KCNH8: variants seen among roughly 807,000 people sequenced by gnomAD.
The protein encoded by KCNH8 is voltage-gated delayed rectifier potassium channel KCNH8.
Under a neutral mutation model 103.6 loss-of-function variants are expected in KCNH8, and 70 were observed. The ratio of observed to expected loss-of-function variants is 0.68; its 90% CI spans 0.56 to 0.82. The LOEUF is 0.82. Among genes scored for constraint, KCNH8 ranks in the 40% least tolerant of loss-of-function variants. The pLI, the probability that KCNH8 is intolerant of heterozygous loss-of-function variation, is 0.00. For missense variants in KCNH8, 1,217 were observed against 1,329.9 expected (o/e 0.92, Z 1.32); for synonymous variants, 498 against 489.4 (o/e 1.02, Z -0.23).
At chr3:19,484,215 AAC>A (rs2068154199) in intron 11 of KCNH8, among the ~76,000 whole-genome samples, 1 of 152,200 alleles carries the variant, frequency 6.6e-6, no homozygotes, top group South Asian at 2.1e-4. Context: ...GAGGGGTCAT[AAC>A]ACACATCTGG....
At chr3:19,161,350 AATG>A (rs2063232517) in intron 1 of KCNH8, among the ~76,000 whole-genome samples, 1 of 152,142 alleles carries the variant, frequency 6.6e-6, no homozygotes, top group South Asian at 2.1e-4. Flanking sequence ...CACTTAGATA[AATG>A]ATGTTGCAAT....
chr3:19,380,762 T>C (rs2066277611), intron 5 of KCNH8, among the ~76,000 whole-genome samples: 1 of 152,244 alleles, frequency 6.6e-6, no homozygotes, highest in Admixed American at 6.5e-5. Context: ...CTTGAGCTCA[T>C]ACATTACCGA....
At chr3:19,189,886 C>T (rs866746734) in intron 1 of KCNH8, among the ~76,000 whole-genome samples, 23 of 151,880 alleles carry the variant, frequency 1.5e-4, no homozygotes, top group Non-Finnish European at 7.4e-5. Context: ...TTAAAACTGA[C>T]GCTACTTAGA....
intron 11 of KCNH8, among the ~76,000 whole-genome samples, chr3:19,503,227 G>A (rs2068624361): frequency 6.6e-6 from 1 of 151,636 alleles, no homozygotes; most frequent in African/African-American, 2.4e-5. Flanking sequence ...ACCACAATGA[G>A]ATACCATTTC....
At chr3:19,401,263 G>A (rs2125138998) in intron 7 of KCNH8, among the ~76,000 whole-genome samples, 1 of 152,080 alleles carries the variant, frequency 6.6e-6, no homozygotes, top group African/African-American at 2.4e-5. Flanking sequence ...AAAATGTCTT[G>A]AGACTTTTGA....
At chr3:19,228,548 A>T (rs2063958047) in intron 1 of KCNH8, among the ~76,000 whole-genome samples, 1 of 152,206 alleles carries the variant, frequency 6.6e-6, no homozygotes, top group Admixed American at 6.5e-5. Flanking sequence ...GCTCAGTAAA[A>T]CCATAAAATA....
At chr3:19,378,376 G>T (rs563785939) in intron 5 of KCNH8, among the ~76,000 whole-genome samples, 11 of 152,146 alleles carry the variant, frequency 7.2e-5, no homozygotes, top group Non-Finnish European at 1.5e-4. Context: ...GTTTTTCATT[G>T]TACAATAGAG....
chr3:19,534,019 A>AT lies in KCNH8; in HGVS notation c.3244_3245insT (p.Thr1082IlefsTer21). The stretch of plus-strand genomic sequence containing the variant: ...CCAGGAAGGAATGGCATCAGCTTCT[A>AT]CAAAACCTTTGGAGAACCTTCCACT... On this transcript the variant is annotated frameshift_variant, in exon 16 of 16. Coordinates refer to ENST00000328405, the MANE Select transcript of KCNH8 (RefSeq NM_144633.3). LOFTEE classifies it high-confidence loss of function. 1.9e-6 allele frequency: 3 copies of AT among 1,614,182 alleles called. No individual in the cohort carries two copies. The highest frequency in any genetic ancestry group is 2.5e-6 in the Non-Finnish European group (3 of 1,180,004).
At chr3:19,377,735 A>G (rs2066231453) in intron 5 of KCNH8, among the ~76,000 whole-genome samples, 1 of 152,210 alleles carries the variant, frequency 6.6e-6, no homozygotes, top group East Asian at 1.9e-4. Context: ...CATCCATGGT[A>G]GATGGTGGAG....
chr3:19,239,635 AAT>A (rs2064109949), intron 1 of KCNH8, among the ~76,000 whole-genome samples: 2 of 145,756 alleles, frequency 1.4e-5, no homozygotes, highest in South Asian at 4.4e-4. Flanking sequence ...AGAATGATGG[AAT>A]CTATCTATCT....
chr3:19,407,554 T>C (rs952696979), intron 7 of KCNH8, among the ~76,000 whole-genome samples: 10 of 151,902 alleles, frequency 6.6e-5, no homozygotes, highest in African/African-American at 2.2e-4. Context: ...TTCTTCTCCA[T>C]GGTCAGGCAG....
intron 3 of KCNH8, among the ~76,000 whole-genome samples, chr3:19,338,616 G>A (rs1384807525): frequency 6.6e-6 from 1 of 151,914 alleles, no homozygotes; most frequent in Non-Finnish European, 1.5e-5. Context: ...TGGTCAACTG[G>A]ATATTGTATT....
At chr3:19,438,458 T>G (rs917205786) in intron 8 of KCNH8, 97 bp downstream of exon 8, 34 of 959,996 alleles carry the variant, frequency 3.5e-5, no homozygotes, top group Non-Finnish European at 5.1e-5. Flanking sequence ...ACAGATAAAC[T>G]GATTAACACT....
At chr3:19,157,629 A>G (rs1205771249) in intron 1 of KCNH8, among the ~76,000 whole-genome samples, 2 of 152,022 alleles carry the variant, frequency 1.3e-5, no homozygotes, top group Non-Finnish European at 2.9e-5. Context: ...AGCATTCTTT[A>G]TGTCATCACT....
chr3:19,287,944 T>C (rs1241610951), intron 3 of KCNH8, among the ~76,000 whole-genome samples: 1 of 152,058 alleles, frequency 6.6e-6, no homozygotes, highest in East Asian at 1.9e-4. Context: ...TTGGGACAAG[T>C]CAAGCTGCCC....
At chr3:19,372,631 A>T (rs544240267) in intron 5 of KCNH8, among the ~76,000 whole-genome samples, 2 of 152,274 alleles carry the variant, frequency 1.3e-5, no homozygotes, top group Admixed American at 6.5e-5. Flanking sequence ...TGCCCTGGCC[A>T]GAACTTCCAA....
chr3:19,462,981 C>A (rs1283348535), intron 11 of KCNH8, among the ~76,000 whole-genome samples: 1 of 152,104 alleles, frequency 6.6e-6, no homozygotes, highest in Non-Finnish European at 1.5e-5. Flanking sequence ...CAATCAAAAT[C>A]ATCAAAAAGT....
At chr3:19,176,726 T>C (rs577927839) in intron 1 of KCNH8, among the ~76,000 whole-genome samples, 50 of 152,262 alleles carry the variant, frequency 3.3e-4, no homozygotes, top group African/African-American at 1.1e-3. Context: ...CAGAATATTC[T>C]ATTCCATTTA....
At chr3:19,386,852 G>A (rs1465210286) in intron 5 of KCNH8, among the ~76,000 whole-genome samples, 2 of 152,024 alleles carry the variant, frequency 1.3e-5, no homozygotes, top group African/African-American at 2.4e-5. Flanking sequence ...CAGCTACAGG[G>A]GGAGGAGCAG....
Sources: allele counts gnomAD v4.1 joint callset (sites outside exome capture counted in the v4.1 genomes callset), GRCh38; gene constraint gnomAD v4.1.1; transcripts MANE v1.5; gene names NCBI Gene and HGNC (gene_info 2026-07-23, HGNC 2026-07-21).